Variants in RIMBP2 observed in about 807,000 individuals in gnomAD.
RIMBP2 encodes the protein RIMS binding protein 2, also known as RIMS-binding protein 2.
RIMBP2 carries 48 observed loss-of-function variants against 118.6 expected under a neutral mutation model. The observed-to-expected ratio is 0.40, with a 90% CI of 0.32 to 0.51. The LOEUF (loss-of-function observed/expected upper bound fraction) is 0.51. Among genes scored for constraint, RIMBP2 ranks in the 20% least tolerant of loss-of-function variants. The pLI, the probability that RIMBP2 is intolerant of heterozygous loss-of-function variation, is 0.41. For missense variants in RIMBP2, 1,551 were observed against 1,768.3 expected (o/e 0.88, Z 2.20); for synonymous variants, 762 against 742.9 (o/e 1.03, Z -0.42).
intron 1 of RIMBP2, among the ~76,000 whole-genome samples, chr12:130,637,410 C>T (rs765541319): frequency 5.9e-5 from 9 of 152,208 alleles, no homozygotes; most frequent in Non-Finnish European, 8.8e-5. Context: ...TGAATGGATG[C>T]GTGCCTGAGA....
chr12:130,485,376 C>T (rs532805526), intron 4 of RIMBP2, among the ~76,000 whole-genome samples: 2 of 152,184 alleles, frequency 1.3e-5, no homozygotes, highest in Non-Finnish European at 2.9e-5. Context: ...GGAACATGGC[C>T]GATGAGAATG....
At chr12:130,404,001 A>G (rs1255263475) in intron 21 of RIMBP2, among the ~76,000 whole-genome samples, 1 of 152,252 alleles carries the variant, frequency 6.6e-6, no homozygotes, top group Non-Finnish European at 1.5e-5. Context: ...TGGTATTCCT[A>G]CTAAAATACA....
intron 2 of RIMBP2, among the ~76,000 whole-genome samples, chr12:130,611,286 C>T (rs1215317264): frequency 6.6e-6 from 1 of 152,246 alleles, no homozygotes; most frequent in African/African-American, 2.4e-5. Context: ...ACAGGGGAAG[C>T]ACTCAGTGCC....
In RIMBP2 at chr12:130,493,596, G is replaced by A. The variant is rs193187352; in HGVS notation, c.-4+13052C>T. On this transcript the variant is annotated intron_variant, in intron 4 of 22. Coordinates refer to ENST00000690449, the MANE Select transcript of RIMBP2 (RefSeq NM_001393629.1). ...TCCCAAAGTGCTGGGATTCCAGGCG[G>A]GAGCCACCATGCCCAGCCTGGTTTT... 6.3e-3 allele frequency among the ~76,000 whole-genome samples: 964 copies of A among 152,166 alleles called. 6 individuals carry two copies. Among genetic ancestry groups the A allele is most frequent in the Non-Finnish European group, 9.5e-3 (646 of 68,000 alleles).
At chr12:130,587,899 A>G (rs1484362814) in intron 2 of RIMBP2, among the ~76,000 whole-genome samples, 2 of 151,132 alleles carry the variant, frequency 1.3e-5, no homozygotes, top group South Asian at 2.1e-4. Flanking sequence ...TCCTGCCTGG[A>G]TGCTGGTGCT....
chr12:130,573,648 G>A (rs1006776820), intron 2 of RIMBP2, among the ~76,000 whole-genome samples: 1 of 152,092 alleles, frequency 6.6e-6, no homozygotes, highest in South Asian at 2.1e-4. Flanking sequence ...CCCCCACCTG[G>A]GGGGGTGATG....
chr12:130,507,992 T>C (rs1209899021), intron 3 of RIMBP2, among the ~76,000 whole-genome samples: 1 of 152,018 alleles, frequency 6.6e-6, no homozygotes, highest in Non-Finnish European at 1.5e-5. Context: ...TATTAAGAGG[T>C]CGTAGAGAGG....
At chr12:130,477,745 C>A (rs1254937323) in intron 5 of RIMBP2, among the ~76,000 whole-genome samples, 3 of 152,246 alleles carry the variant, frequency 2.0e-5, no homozygotes, top group Non-Finnish European at 4.4e-5. Context: ...TATCGCCCCC[C>A]AGGCTGGGTG....
At chr12:130,677,488 G>GGT (rs1372965966) in intron 1 of RIMBP2, among the ~76,000 whole-genome samples, 3 of 151,994 alleles carry the variant, frequency 2.0e-5, no homozygotes, top group Non-Finnish European at 4.4e-5. Flanking sequence ...ATTAGCTCAG[G>GGT]GTGGTGGCGG....
intron 6 of RIMBP2, among the ~76,000 whole-genome samples, chr12:130,467,919 G>A (rs1013671106): frequency 2.6e-5 from 4 of 152,188 alleles, no homozygotes; most frequent in African/African-American, 9.7e-5. Context: ...GACACCTTTG[G>A]TTCTCCGTGT....
At chr12:130,569,517 G>A (rs1023630212) in intron 2 of RIMBP2, among the ~76,000 whole-genome samples, 1 of 152,190 alleles carries the variant, frequency 6.6e-6, no homozygotes, top group African/African-American at 2.4e-5. Flanking sequence ...GCTATGGTTT[G>A]GATCTGCGTC....
At chr12:130,596,808 C>T (rs762168655) in intron 2 of RIMBP2, among the ~76,000 whole-genome samples, 1 of 152,120 alleles carries the variant, frequency 6.6e-6, no homozygotes, top group African/African-American at 2.4e-5. Flanking sequence ...ATAACCAAAC[C>T]GTATATCTGA....
chr12:130,664,391 A>ACGCACACACACG, intron 1 of RIMBP2, among the ~76,000 whole-genome samples: 1 of 116,514 alleles, frequency 8.6e-6, no homozygotes, highest in South Asian at 3.0e-4. Context: ...ACGCGCATGC[A>ACGCACACACACG]CACACACGCA....
intron 1 of RIMBP2, among the ~76,000 whole-genome samples, chr12:130,656,393 C>T (rs1351029638): frequency 6.6e-6 from 1 of 152,218 alleles, no homozygotes; most frequent in Admixed American, 6.5e-5. Flanking sequence ...CAGAGAGAAG[C>T]TTTCCCTTTC....
intron 9 of RIMBP2, among the ~76,000 whole-genome samples, chr12:130,449,565 C>T (rs1028891928): frequency 2.0e-5 from 3 of 151,570 alleles, no homozygotes; most frequent in Admixed American, 1.3e-4. Context: ...TGGTGGGGAT[C>T]GGGGCTCTGG....
intron 14 of RIMBP2, chr12:130,429,284 G>C (rs2077006508): frequency 6.7e-6 from 1 of 149,160 alleles, no homozygotes. Flanking sequence ...AGGGGCACTG[G>C]GCGGAGGCTG....
intron 2 of RIMBP2, among the ~76,000 whole-genome samples, chr12:130,538,050 C>T (rs11060982): frequency 0.1 from 15,842 of 152,006 alleles, 900 homozygotes; most frequent in East Asian, 0.2. Flanking sequence ...TCAGTAGAAC[C>T]CCTCAGTGTG....
chr12:130,621,562 C>T lies in RIMBP2; in HGVS notation c.-217+6760G>A, dbSNP rs76767855. 5.9e-4 allele frequency among the ~76,000 whole-genome samples: 90 copies of T among 152,268 alleles called. No individual in the cohort carries two copies. Among genetic ancestry groups the T allele is most frequent in the African/African-American group, 1.7e-3 (72 of 41,550 alleles). On this transcript the variant is annotated intron_variant, in intron 2 of 22. Coordinates refer to ENST00000690449, the MANE Select transcript of RIMBP2 (RefSeq NM_001393629.1). The surrounding 1 kb of genome is among the most constrained non-coding windows in gnomAD (Gnocchi z 6.6). Reference sequence around the variant, plus strand: ...TCTGTCATCTGAAATCTGAAGATCGCGACACACATAATATAATACCACGGG... The same window carrying T: ...TCTGTCATCTGAAATCTGAAGATCGTGACACACATAATATAATACCACGGG...
intron 2 of RIMBP2, among the ~76,000 whole-genome samples, chr12:130,542,118 G>A (rs1016029084): frequency 6.6e-6 from 1 of 152,320 alleles, no homozygotes. Flanking sequence ...GTAAAAATAT[G>A]TTCTATGAAG....
Sources: allele counts gnomAD v4.1 joint callset (sites outside exome capture counted in the v4.1 genomes callset), GRCh38; gene constraint gnomAD v4.1.1; non-coding constraint Gnocchi (gnomAD v3.1); transcripts MANE v1.5; gene names NCBI Gene and HGNC (gene_info 2026-07-23, HGNC 2026-07-21).